The following LRP1B variants were observed in gnomAD, a reference collection of about 807,000 sequenced individuals.
LRP1B encodes the protein low-density lipoprotein receptor-related protein 1B.
LRP1B carries 217 observed loss-of-function variants against 556.6 expected under a neutral mutation model. That is an observed-to-expected ratio of 0.39 (90% CI 0.35 to 0.44). The LOEUF (loss-of-function observed/expected upper bound fraction) is 0.44. Ranked by LOEUF, LRP1B falls within the 20% of genes least tolerant of loss-of-function variation. LRP1B has a pLI of 1.00. For missense variants in LRP1B, 5,053 were observed against 5,620.8 expected (o/e 0.90, Z 3.23); for synonymous variants, 2,047 against 1,865.8 (o/e 1.10, Z -2.50).
At chr2:141,743,501 C>CTT (rs796287062) in intron 2 of LRP1B, among the ~76,000 whole-genome samples, 82 of 119,012 alleles carry the variant, frequency 6.9e-4, no homozygotes, top group Admixed American at 1.3e-3. Flanking sequence ...TTTTTTTTTT[C>CTT]TTTTTTTTTT....
rs141652410 is a variant in LRP1B, at chr2:141,819,732, G to C, written c.83-9331C>G. Among the ~76,000 whole-genome samples, 441 of 152,266 alleles carry C rather than the reference G, an allele frequency of 2.9e-3. 5 individuals carry two copies. Among genetic ancestry groups the C allele is most frequent in the African/African-American group, 0.01 (417 of 41,554 alleles). The stretch of plus-strand genomic sequence containing the variant: ...ACAATAATATAATTTCAAATAGTAA[G>C]AAGGAGGATATTGGACGTTCCCAAC... On this transcript the variant is annotated intron_variant, in intron 1 of 90. Coordinates refer to ENST00000389484, the MANE Select transcript of LRP1B (RefSeq NM_018557.3).
At chr2:141,890,776 G>T (rs192916280) in intron 1 of LRP1B, among the ~76,000 whole-genome samples, 16 of 152,040 alleles carry the variant, frequency 1.1e-4, no homozygotes, top group African/African-American at 3.4e-4. Flanking sequence ...CCTTTTGCTT[G>T]TACTTTAATG....
intron 2 of LRP1B, among the ~76,000 whole-genome samples, chr2:141,797,806 G>A (rs1011693985): frequency 2.6e-5 from 4 of 152,162 alleles, no homozygotes; most frequent in Middle Eastern, 3.4e-3. Context: ...ATAACTTACG[G>A]CATATTATTG....
intron 7 of LRP1B, among the ~76,000 whole-genome samples, chr2:141,166,192 G>A (rs575297286): frequency 6.6e-6 from 1 of 151,912 alleles, no homozygotes; most frequent in African/African-American, 2.4e-5. Flanking sequence ...TGTTCTTCCA[G>A]CTTCTCAGAT....
At chr2:140,509,252 T>A (rs191412062) in intron 52 of LRP1B, among the ~76,000 whole-genome samples, 29 of 152,264 alleles carry the variant, frequency 1.9e-4, no homozygotes, top group African/African-American at 6.5e-4. Flanking sequence ...GGATCCCCTA[T>A]GTGACCTTGG....
At chr2:140,543,439 C>T (rs1455538234) in intron 43 of LRP1B, among the ~76,000 whole-genome samples, 1 of 151,852 alleles carries the variant, frequency 6.6e-6, no homozygotes, top group Non-Finnish European at 1.5e-5. Flanking sequence ...AGGAATACAA[C>T]CTGATTCAAT....
At chr2:141,860,919 G>A (rs911091378) in intron 1 of LRP1B, among the ~76,000 whole-genome samples, 16 of 152,128 alleles carry the variant, frequency 1.1e-4, no homozygotes, top group African/African-American at 3.1e-4. Flanking sequence ...TCTATAGTGT[G>A]TATTTCCTTG....
At position 141,529,434 on chromosome 2, in the gene LRP1B, A is replaced by C. The variant is rs551172618; in HGVS notation, c.206-48901T>G. On this transcript the variant is annotated intron_variant, in intron 2 of 90. Transcript: ENST00000389484. ...GAACAGCAGAAAGTAGCAAACAGAG[A>C]TATCAATAAACATTTTGGGATATTG... Among the ~76,000 whole-genome samples, 4 of 152,328 alleles carry C rather than the reference A, an allele frequency of 2.6e-5. No homozygotes were observed. In the East Asian group the frequency reaches 7.7e-4, roughly 29 times the overall value.
intron 3 of LRP1B, among the ~76,000 whole-genome samples, chr2:141,381,980 G>C (rs115889031): frequency 0.014 from 2,082 of 151,050 alleles, 41 homozygotes; most frequent in African/African-American, 0.048. Flanking sequence ...GTCATTTTAA[G>C]TGTGTAGACA....
At chr2:141,284,361 C>T (rs1386045247) in intron 3 of LRP1B, among the ~76,000 whole-genome samples, 1 of 151,938 alleles carries the variant, frequency 6.6e-6, no homozygotes, top group Admixed American at 6.6e-5. Flanking sequence ...AATAAAACAA[C>T]AGTTTAGAAA....
At chr2:140,838,983 C>T (rs935293718) in intron 31 of LRP1B, among the ~76,000 whole-genome samples, 33 of 152,144 alleles carry the variant, frequency 2.2e-4, no homozygotes, top group African/African-American at 7.2e-4. Flanking sequence ...AGTGCCATCA[C>T]GTTATAGCTG....
At chr2:141,125,561 G>A (rs1701180990) in intron 7 of LRP1B, among the ~76,000 whole-genome samples, 1 of 152,020 alleles carries the variant, frequency 6.6e-6, no homozygotes, top group African/African-American at 2.4e-5. Context: ...TCCTTTAGAG[G>A]TTCTATTTAC....
intron 1 of LRP1B, among the ~76,000 whole-genome samples, chr2:141,826,995 T>A (rs977503259): frequency 6.6e-6 from 1 of 152,204 alleles, no homozygotes; most frequent in East Asian, 1.9e-4. Flanking sequence ...GACAGGCAAA[T>A]TTTGAGAGAT....
Position 140,350,819 on chromosome 2 carries a change from C to T in LRP1B, c.11870G>A (p.Arg3957Lys). ...FYKRIHGREK[R>K]QANSGLICPE... is the part of the protein sequence containing the mutation. ...TACAATCAAGCCACTGTTTGCTTGCCTTTTTTCTCTGCCATGGATCCTTTT... is the reference window on the plus strand; with the variant it reads ...TACAATCAAGCCACTGTTTGCTTGCTTTTTTTCTCTGCCATGGATCCTTTT... Residue 3957 changes from arginine to lysine, a missense_variant, in exon 77 of 91, where the codon AGG (arginine) becomes AAG (lysine). By Grantham distance (26) the Arg-to-Lys change is conservative. This residue lies in a region of LRP1B where 599 missense variants were observed against 648.4 expected (regional missense o/e 0.92). Transcript: ENST00000389484. 6.2e-7 allele frequency: 1 copy of T among 1,609,842 alleles called. No homozygotes were observed. Among genetic ancestry groups the T allele is most frequent in the Non-Finnish European group, 8.5e-7 (1 of 1,178,046 alleles).
intron 41 of LRP1B, among the ~76,000 whole-genome samples, chr2:140,627,364 A>C (rs1419573960): frequency 6.6e-6 from 1 of 152,126 alleles, no homozygotes; most frequent in Non-Finnish European, 1.5e-5. Context: ...AGAGGAACGC[A>C]GAAGGACTAG....
chr2:140,973,960 G>A (rs1417941803), intron 18 of LRP1B, among the ~76,000 whole-genome samples: 1 of 152,054 alleles, frequency 6.6e-6, no homozygotes, highest in East Asian at 1.9e-4. Context: ...ATGAATAGCA[G>A]GGCAATTGGT....
chr2:141,822,438 A>G (rs148001300), intron 1 of LRP1B, among the ~76,000 whole-genome samples: 3 of 152,132 alleles, frequency 2.0e-5, no homozygotes, highest in Non-Finnish European at 2.9e-5. Context: ...AATGCAAAAG[A>G]AAAAGCCTAA....
At chr2:141,302,142 T>C (rs2105431796) in intron 3 of LRP1B, among the ~76,000 whole-genome samples, 1 of 152,254 alleles carries the variant, frequency 6.6e-6, no homozygotes, top group Admixed American at 6.5e-5. Flanking sequence ...ACTGTAGCAT[T>C]CTCTTACAGA....
chr2:142,106,969 C>T (rs1237737943), intron 1 of LRP1B, among the ~76,000 whole-genome samples: 2 of 151,806 alleles, frequency 1.3e-5, no homozygotes, highest in Non-Finnish European at 2.9e-5. Context: ...TAACATTATA[C>T]ATATTTAATA....
Sources: allele counts gnomAD v4.1 joint callset (sites outside exome capture counted in the v4.1 genomes callset), GRCh38; gene constraint gnomAD v4.1.1; regional missense constraint gnomAD v4.1.1; transcripts MANE v1.5; gene names NCBI Gene and HGNC (gene_info 2026-07-23, HGNC 2026-07-21).